The following REPS2 variants were observed in gnomAD, a reference collection of about 807,000 sequenced individuals.
REPS2 encodes ralBP1-associated Eps domain-containing protein 2.
REPS2 carries 23 observed loss-of-function variants against 53.6 expected under a neutral mutation model. The observed-to-expected ratio is 0.43, with a 90% CI of 0.31 to 0.61. The LOEUF is 0.61. Among genes scored for constraint, REPS2 ranks in the 20% least tolerant of loss-of-function variants. The probability of loss-of-function intolerance (pLI) is 0.11; values close to 1 mark genes in which losing one functional copy is unlikely to be tolerated. For missense variants in REPS2, 446 were observed against 534.9 expected, an observed-to-expected ratio of 0.83 and a Z score of 1.64; for synonymous variants, 238 against 218.6, an observed-to-expected ratio of 1.09 and a Z score of -0.78.
chrX:17,134,570 G>T (rs1347058826), intron 15 of REPS2, among the ~76,000 whole-genome samples: 1 of 111,925 alleles, frequency 8.9e-6, no homozygotes, highest in Non-Finnish European at 1.9e-5. Flanking sequence ...ATAGGAGAAT[G>T]ATGAGCATAT....
intron 2 of REPS2, among the ~76,000 whole-genome samples, chrX:17,015,875 T>C (rs1425855788): frequency 8.9e-6 from 1 of 112,037 alleles, no homozygotes; most frequent in African/African-American, 3.3e-5. Context: ...TAAACACACA[T>C]GTGCATGTGT....
At chrX:17,124,795 A>G (rs1180870858) in intron 14 of REPS2, among the ~76,000 whole-genome samples, 1 of 109,251 alleles carries the variant, frequency 9.2e-6, no homozygotes, top group Non-Finnish European at 1.9e-5. Flanking sequence ...CAATATTGCA[A>G]ACCTAAAAAA....
chrX:17,101,039 T>TC (rs2062788085), intron 13 of REPS2, among the ~76,000 whole-genome samples: 3 of 109,592 alleles, frequency 2.7e-5, no homozygotes, highest in African/African-American at 1.0e-4. Context: ...TGTTTTTTTT[T>TC]CTTTTTCTTT....
chrX:17,063,242 A>G (rs935253070), intron 9 of REPS2, among the ~76,000 whole-genome samples: 1 of 112,113 alleles, frequency 8.9e-6, no homozygotes, highest in African/African-American at 3.2e-5. Flanking sequence ...TCCCTTCCTT[A>G]AAAGATCTGG....
the REPS2 span, among the ~76,000 whole-genome samples, chrX:17,166,491 A>G: frequency 8.9e-6 from 1 of 112,514 alleles, no homozygotes; most frequent in African/African-American, 3.2e-5. Flanking sequence ...TTTTACAGTC[A>G]TGAACATCTG....
intron 1 of REPS2, among the ~76,000 whole-genome samples, chrX:16,976,334 C>G (rs1045453648): frequency 1.8e-5 from 2 of 110,885 alleles, no homozygotes; most frequent in African/African-American, 6.6e-5. Context: ...GTATGATAAT[C>G]TTTACCTCTG....
intron 1 of REPS2, among the ~76,000 whole-genome samples, chrX:16,986,538 AAGG>A (rs2061092875): frequency 8.9e-6 from 1 of 112,032 alleles, no homozygotes; most frequent in African/African-American, 3.2e-5. Context: ...TTGAGGAACC[AAGG>A]AGTTTGTGTG....
intron 13 of REPS2, among the ~76,000 whole-genome samples, chrX:17,081,264 G>A (rs1026026883): frequency 2.7e-5 from 3 of 111,546 alleles, no homozygotes; most frequent in African/African-American, 9.8e-5. Context: ...GAAATAGGAT[G>A]GAGAGAAGAT....
At chrX:16,953,191 T>G (rs1350484999) in intron 1 of REPS2, among the ~76,000 whole-genome samples, 1 of 111,228 alleles carries the variant, frequency 9.0e-6, no homozygotes, top group Non-Finnish European at 1.9e-5. Flanking sequence ...TGTTTTAGAT[T>G]GACAGTATTC....
At chrX:17,107,015 A>G (rs7054860) in intron 14 of REPS2, among the ~76,000 whole-genome samples, 7,318 of 111,706 alleles carry the variant, frequency 0.066, 425 homozygotes, top group East Asian at 0.21. Context: ...GATCTTTGAC[A>G]AACCTGACAA....
At chrX:17,161,410 G>C in the REPS2 span, among the ~76,000 whole-genome samples, 53 of 111,955 alleles carry the variant, frequency 4.7e-4, no homozygotes, top group African/African-American at 1.7e-3. Flanking sequence ...GCATGAAAAA[G>C]ACTTGCAGAT....
At chrX:17,096,303 G>A (rs768703689) in intron 13 of REPS2, among the ~76,000 whole-genome samples, 1 of 111,570 alleles carries the variant, frequency 9.0e-6, no homozygotes, top group South Asian at 3.7e-4. Context: ...GAAGCACAAT[G>A]AGCAAGAACA....
intron 13 of REPS2, among the ~76,000 whole-genome samples, chrX:17,093,262 T>C (rs762870905): frequency 1.0e-5 from 1 of 96,484 alleles, no homozygotes; most frequent in South Asian, 5.2e-4. Flanking sequence ...CACTTCTGAC[T>C]CTGCCTGCTT....
At chrX:17,066,717 C>A (rs924730824) in intron 9 of REPS2, among the ~76,000 whole-genome samples, 2 of 111,881 alleles carry the variant, frequency 1.8e-5, no homozygotes, top group African/African-American at 6.5e-5. Flanking sequence ...GTTAAAAATA[C>A]AAAAAATTAG....
chrX:17,134,790 T>A (rs1211241324), intron 15 of REPS2, among the ~76,000 whole-genome samples: 5 of 110,159 alleles, frequency 4.5e-5, no homozygotes, highest in African/African-American at 3.3e-5. Flanking sequence ...GGCCGGCTAA[T>A]TTTTTGTATT....
chrX:17,050,145 T>TTCCTTC (rs1569148250), intron 6 of REPS2, among the ~76,000 whole-genome samples: 18 of 35,191 alleles, frequency 5.1e-4, no homozygotes, highest in East Asian at 2.3e-3. Flanking sequence ...TTTCTTCCTT[T>TTCCTTC]CTTTCTTTCT....
chrX:17,003,815 G>T (rs999668137), intron 1 of REPS2, among the ~76,000 whole-genome samples: 1 of 111,928 alleles, frequency 8.9e-6, no homozygotes, highest in Non-Finnish European at 1.9e-5. Flanking sequence ...AGGCAAACTG[G>T]AACATGGTTA....
chrX:17,012,469 C>G (rs927829071), intron 2 of REPS2, among the ~76,000 whole-genome samples: 1 of 111,891 alleles, frequency 8.9e-6, no homozygotes, highest in East Asian at 2.8e-4. Flanking sequence ...AGTGATAATA[C>G]AGTGGCTTGT....
At chrX:17,110,614 C>G (rs1386374539) in intron 14 of REPS2, among the ~76,000 whole-genome samples, 1 of 108,890 alleles carries the variant, frequency 9.2e-6, no homozygotes, top group African/African-American at 3.4e-5. Context: ...ATCTCTTGAA[C>G]CTGCAAGGCG....
Sources: gnomAD v4.1 joint callset for allele counts (sites outside exome capture counted in the v4.1 genomes callset) on GRCh38, gnomAD v4.1.1 for gene constraint, MANE v1.5 for transcripts, NCBI Gene and HGNC (gene_info 2026-07-23, HGNC 2026-07-21) for gene names.